MYLK4: variants seen among roughly 807,000 people sequenced by gnomAD.
MYLK4 encodes the protein caMLCK like.
Under a neutral mutation model 48.1 loss-of-function variants are expected in MYLK4, and 46 were observed. The ratio of observed to expected loss-of-function variants is 0.96; its 90% CI spans 0.75 to 1.22. The LOEUF is 1.22. Ranked by LOEUF, MYLK4 falls within the 50% of genes most tolerant of loss-of-function variation. The probability of loss-of-function intolerance (pLI) is 0.00; values close to 1 mark genes in which losing one functional copy is unlikely to be tolerated. For synonymous variants in MYLK4, 170 were observed against 180.8 expected, an observed-to-expected ratio of 0.94 and a Z score of 0.48; for missense variants, 451 against 486.1, an observed-to-expected ratio of 0.93 and a Z score of 0.68.
chr6:2,712,732 C>T (rs1762719047), intron 2 of MYLK4, among the ~76,000 whole-genome samples: 1 of 152,214 alleles, frequency 6.6e-6, no homozygotes, highest in Admixed American at 6.5e-5. Context: ...GGCTTTCACA[C>T]ATCAAGACTT....
At chr6:2,682,273 T>TA (rs1462890542) in intron 7 of MYLK4, among the ~76,000 whole-genome samples, 1 of 152,252 alleles carries the variant, frequency 6.6e-6, no homozygotes, top group Non-Finnish European at 1.5e-5. Flanking sequence ...TTATGATACT[T>TA]AGTCCCAATA....
At chr6:2,700,224 T>C (rs1207751086) in intron 2 of MYLK4, among the ~76,000 whole-genome samples, 1 of 152,150 alleles carries the variant, frequency 6.6e-6, no homozygotes, top group Non-Finnish European at 1.5e-5. Flanking sequence ...ACCCCACCTG[T>C]TTTTGTTATC....
intron 7 of MYLK4, among the ~76,000 whole-genome samples, chr6:2,681,522 T>C (rs1339061108): frequency 5.3e-5 from 8 of 152,216 alleles, no homozygotes; most frequent in African/African-American, 1.7e-4. Flanking sequence ...TTGCAGGATA[T>C]AGAGAAACCG....
intron 2 of MYLK4, among the ~76,000 whole-genome samples, chr6:2,728,690 CCTT>C (rs1763374574): frequency 6.6e-6 from 1 of 152,210 alleles, no homozygotes. Flanking sequence ...TTCCTTCTGT[CCTT>C]CTGTCCTAGT....
At chr6:2,717,067 G>C (rs1322310428) in intron 2 of MYLK4, among the ~76,000 whole-genome samples, 1 of 152,168 alleles carries the variant, frequency 6.6e-6, no homozygotes, top group East Asian at 1.9e-4. Flanking sequence ...CCAAGAGAAG[G>C]GGACAGTATG....
chr6:2,764,279 G>A, the MYLK4 span, among the ~76,000 whole-genome samples: 837 of 152,268 alleles, frequency 5.5e-3, 7 homozygotes, highest in African/African-American at 0.019. Context: ...CCAGCCAGGC[G>A]TGGTGGCTCA....
intron 3 of MYLK4, among the ~76,000 whole-genome samples, chr6:2,691,148 C>T (rs753327513): frequency 1.3e-5 from 2 of 152,154 alleles, no homozygotes; most frequent in African/African-American, 2.4e-5. Context: ...TGAATCTTAA[C>T]GGCAGTGAGA....
At chr6:2,759,681 G>C in the MYLK4 span, among the ~76,000 whole-genome samples, 19 of 151,994 alleles carry the variant, frequency 1.3e-4, no homozygotes, top group Non-Finnish European at 1.9e-4. Context: ...TCCTTTTACG[G>C]TTAGTGCATT....
intron 2 of MYLK4, among the ~76,000 whole-genome samples, chr6:2,731,265 A>G (rs1159372915): frequency 6.6e-6 from 1 of 151,342 alleles, no homozygotes; most frequent in Non-Finnish European, 1.5e-5. Flanking sequence ...GACAAAAAAA[A>G]TGGTTGGAAT....
chr6:2,741,689 A>G (rs1395698376), intron 2 of MYLK4, among the ~76,000 whole-genome samples: 1 of 152,258 alleles, frequency 6.6e-6, no homozygotes, highest in East Asian at 1.9e-4. Flanking sequence ...ATTTCTAAAT[A>G]TTCATTAGCA....
chr6:2,756,489 C>G, the MYLK4 span, among the ~76,000 whole-genome samples: 61 of 152,160 alleles, frequency 4.0e-4, no homozygotes, highest in Admixed American at 4.0e-3. Context: ...ATTTAGAAAT[C>G]AAGCCCTGGG....
At chr6:2,683,581 G>C (rs527841538) in intron 6 of MYLK4, among the ~76,000 whole-genome samples, 1 of 152,106 alleles carries the variant, frequency 6.6e-6, no homozygotes, top group Non-Finnish European at 1.5e-5. Context: ...CACCATGCCC[G>C]GCTAATTTTT....
chr6:2,765,736 C>T, the MYLK4 span: 4 of 1,526,206 alleles, frequency 2.6e-6, no homozygotes, highest in Non-Finnish European at 3.5e-6. Flanking sequence ...ACCTGGACCG[C>T]TGTCTGCTGC....
chr6:2,749,126 A>G lies in MYLK4; in HGVS notation c.159+10T>C. 1 of 1,610,906 alleles carries G rather than the reference A, an allele frequency of 6.2e-7. No homozygotes were observed. Among genetic ancestry groups the G allele is most frequent in the Non-Finnish European group, 8.5e-7 (1 of 1,178,844 alleles). The stretch of plus-strand genomic sequence containing the variant: ...ATACTTTTTAGGAGACTAAATTAGA[A>G]CATGATTACCTCATTATGTCCAGAT... On this transcript the variant is annotated intron_variant, in intron 2 of 12. Transcript: ENST00000274643.
intron 2 of MYLK4, among the ~76,000 whole-genome samples, chr6:2,734,212 A>C (rs1057175041): frequency 3.9e-5 from 6 of 152,236 alleles, no homozygotes; most frequent in Non-Finnish European, 5.9e-5. Flanking sequence ...GGAATCTCAC[A>C]GGTTGTTCCC....
chr6:2,738,479 A>T (rs572760351), intron 2 of MYLK4, among the ~76,000 whole-genome samples: 1 of 152,288 alleles, frequency 6.6e-6, no homozygotes, highest in East Asian at 1.9e-4. Context: ...ACGAACAGAG[A>T]GCTGAGAGTG....
chr6:2,765,564 C>T, the MYLK4 span: 2 of 1,398,590 alleles, frequency 1.4e-6, no homozygotes, highest in Non-Finnish European at 1.8e-6. Flanking sequence ...CATCGAAGGC[C>T]TCCGCGTGCG....
At chr6:2,699,338 C>A (rs1762200216) in intron 2 of MYLK4, among the ~76,000 whole-genome samples, 1 of 119,138 alleles carries the variant, frequency 8.4e-6, no homozygotes, top group African/African-American at 3.4e-5. Context: ...GTCGCCCAGG[C>A]TGGAGTGCAG....
intron 9 of MYLK4, among the ~76,000 whole-genome samples, chr6:2,679,023 T>A (rs1268086855): frequency 6.6e-6 from 1 of 152,094 alleles, no homozygotes; most frequent in Non-Finnish European, 1.5e-5. Context: ...TTAAATTAAT[T>A]TTTGGCTTTT....
Sources: allele counts gnomAD v4.1 joint callset (sites outside exome capture counted in the v4.1 genomes callset), GRCh38; gene constraint gnomAD v4.1.1; transcripts MANE v1.5; gene names NCBI Gene and HGNC (gene_info 2026-07-23, HGNC 2026-07-21).